GABRA4: variants seen among roughly 807,000 people sequenced by gnomAD.
GABRA4 encodes gamma-aminobutyric acid type A receptor subunit alpha4.
GABRA4 carries 12 observed loss-of-function variants against 49.7 expected under a neutral mutation model. That is an observed-to-expected ratio of 0.24 (90% CI 0.15 to 0.39). The LOEUF is 0.39. GABRA4 is among the 10% of genes least tolerant of loss of function. GABRA4 has a pLI of 1.00. For missense variants in GABRA4, 506 were observed against 686.0 expected, an observed-to-expected ratio of 0.74 and a Z score of 2.93; for synonymous variants, 288 against 240.2, an observed-to-expected ratio of 1.20 and a Z score of -1.84.
intron 8 of GABRA4, among the ~76,000 whole-genome samples, chr4:46,945,110 A>G (rs1721940100): frequency 6.6e-6 from 1 of 152,204 alleles, no homozygotes; most frequent in African/African-American, 2.4e-5. Context: ...TAGCACATTT[A>G]AATCCACTTG....
intron 8 of GABRA4, among the ~76,000 whole-genome samples, chr4:46,950,054 G>A (rs527988690): frequency 6.6e-5 from 10 of 152,158 alleles, no homozygotes; most frequent in African/African-American, 1.7e-4. Context: ...AGATCAGCCC[G>A]TTGGCAAACA....
rs973607464 is a variant in GABRA4, at chr4:46,919,114, T to C, written c.*9111A>G. ...AATTGAGACCTGAATAATTCTACAA[T>C]GCTATGCTCTAGTATAAACTTTGTT... On this transcript the variant is annotated 3_prime_UTR_variant, in exon 9 of 9. Transcript: ENST00000264318. 2.6e-5 allele frequency: 4 copies of C among 151,686 alleles called. No homozygotes were observed. Among genetic ancestry groups the C allele is most frequent in the Admixed American group, 6.6e-5 (1 of 15,214 alleles). The allele number at this position is 151,686 out of a possible 1,614,324, so 9.4% of individuals were successfully genotyped here.
chr4:46,975,380 A>T (rs973936396), intron 5 of GABRA4, among the ~76,000 whole-genome samples: 1 of 151,976 alleles, frequency 6.6e-6, no homozygotes, highest in African/African-American at 2.4e-5. Flanking sequence ...ACTTCAGTAA[A>T]CTGTTACAGC....
chr4:46,976,800 C>T (rs58315251), intron 5 of GABRA4, among the ~76,000 whole-genome samples: 1 of 151,818 alleles, frequency 6.6e-6, no homozygotes, highest in Admixed American at 6.6e-5. Flanking sequence ...CCCTAAATTT[C>T]ACCACTGATC....
At chr4:46,949,595 A>G (rs918387374) in intron 8 of GABRA4, among the ~76,000 whole-genome samples, 1 of 152,100 alleles carries the variant, frequency 6.6e-6, no homozygotes, top group Non-Finnish European at 1.5e-5. Context: ...AAAAATCTGT[A>G]TATTTCATTG....
At chr4:46,931,167 C>T (rs994872362) in intron 8 of GABRA4, among the ~76,000 whole-genome samples, 4 of 151,988 alleles carry the variant, frequency 2.6e-5, no homozygotes, top group African/African-American at 9.7e-5. Context: ...TGAAAGGAAC[C>T]GTCCAAAATG....
intron 8 of GABRA4, among the ~76,000 whole-genome samples, chr4:46,932,994 T>C (rs968344849): frequency 3.9e-5 from 6 of 152,106 alleles, no homozygotes; most frequent in East Asian, 3.9e-4. Flanking sequence ...ATTTGAAGAA[T>C]ATGCCTAGAG....
At chr4:46,943,982 G>A (rs763190930) in intron 8 of GABRA4, among the ~76,000 whole-genome samples, 1 of 151,890 alleles carries the variant, frequency 6.6e-6, no homozygotes, top group Non-Finnish European at 1.5e-5. Context: ...TGTGGGCCAG[G>A]GGGGAATGAG....
chr4:46,955,970 CTGAG>C (rs986273345), intron 8 of GABRA4, among the ~76,000 whole-genome samples: 4 of 152,074 alleles, frequency 2.6e-5, no homozygotes, highest in African/African-American at 9.7e-5. Context: ...CACTTGCTAT[CTGAG>C]TAGCTGAGAT....
chr4:46,974,103 C>A (rs547195702), intron 6 of GABRA4, 129 bp downstream of exon 6: 1 of 769,750 alleles, frequency 1.3e-6, no homozygotes, highest in Non-Finnish European at 2.1e-6. Flanking sequence ...ATAACTCATG[C>A]ATCAACTCTA....
Position 46,992,860 on chromosome 4 carries a change from C to T in GABRA4, c.173G>A (p.Gly58Asp). Residue 58 changes from glycine to aspartate, a missense_variant, in exon 2 of 9, where the codon GGT (glycine) becomes GAT (aspartate). Gly to Asp is a moderately conservative substitution (Grantham distance 94). Transcript: ENST00000264318. ...TCCAGGACGCAGCCTGTTGTCATAA[C>T]CATCGAGCAAACTGTCCAGGATGCG... ...FTRILDSLLDGYDNRLRPGFG... is the reference protein window; with the variant it reads ...FTRILDSLLDDYDNRLRPGFG... 6.2e-7 allele frequency: 1 copy of T among 1,613,940 alleles called. No individual in the cohort carries two copies. The highest frequency in any genetic ancestry group is 8.5e-7 in the Non-Finnish European group (1 of 1,179,982).
chr4:46,955,991 T>C (rs1722347241), intron 8 of GABRA4, among the ~76,000 whole-genome samples: 1 of 152,130 alleles, frequency 6.6e-6, no homozygotes, highest in South Asian at 2.1e-4. Flanking sequence ...AGATCTGTTC[T>C]AATGCTTAGC....
chr4:46,948,135 T>A (rs184353148), intron 8 of GABRA4, among the ~76,000 whole-genome samples: 1 of 152,168 alleles, frequency 6.6e-6, no homozygotes, highest in African/African-American at 2.4e-5. Flanking sequence ...TTTTGGCTAA[T>A]GTCTCTATTT....
intron 2 of GABRA4, among the ~76,000 whole-genome samples, chr4:46,992,027 C>T (rs918569840): frequency 7.9e-5 from 12 of 152,232 alleles, no homozygotes; most frequent in Non-Finnish European, 8.8e-5. Flanking sequence ...CATTTGTCCT[C>T]GTTGAACTGG....
intron 2 of GABRA4, among the ~76,000 whole-genome samples, chr4:46,989,591 G>A (rs1723670991): frequency 6.6e-6 from 1 of 152,250 alleles, no homozygotes; most frequent in African/African-American, 2.4e-5. Flanking sequence ...TTTCCCTATC[G>A]CAAGCTGTGC....
intron 2 of GABRA4, among the ~76,000 whole-genome samples, chr4:46,992,250 T>C (rs1577802578): frequency 6.6e-6 from 1 of 151,928 alleles, no homozygotes. Context: ...AACTTTAAAG[T>C]CTTAGGAGGA....
At chr4:46,948,935 C>A (rs1577759607) in intron 8 of GABRA4, among the ~76,000 whole-genome samples, 2 of 152,140 alleles carry the variant, frequency 1.3e-5, no homozygotes, top group Non-Finnish European at 2.9e-5. Context: ...CATATATTTT[C>A]TTTTCCTAAA....
At chr4:46,990,377 A>G (rs925081472) in intron 2 of GABRA4, among the ~76,000 whole-genome samples, 4 of 152,212 alleles carry the variant, frequency 2.6e-5, no homozygotes, top group African/African-American at 9.6e-5. Context: ...TGTTATTGTC[A>G]ATATTATGCA....
chr4:46,918,974 T>A lies in GABRA4; in HGVS notation c.*9251A>T, dbSNP rs1024256405. On this transcript the variant is annotated 3_prime_UTR_variant, in exon 9 of 9. Coordinates refer to ENST00000264318, the MANE Select transcript of GABRA4 (RefSeq NM_000809.4). ...ATTAGAGGGATATAATGTTTTATAT[T>A]TTAATAATTCCAGAGTTTAGCTCCA... is the stretch of plus-strand genomic sequence containing the variant. 1.3e-4 allele frequency: 20 copies of A among 151,694 alleles called. No individual in the cohort carries two copies. Among genetic ancestry groups the A allele is most frequent in the African/African-American group, 4.1e-4 (17 of 41,416 alleles). The allele number at this position is 151,694 out of a possible 1,614,324, so 9.4% of individuals were successfully genotyped here.
Sources: allele counts gnomAD v4.1 joint callset (sites outside exome capture counted in the v4.1 genomes callset), GRCh38; gene constraint gnomAD v4.1.1; transcripts MANE v1.5; gene names NCBI Gene and HGNC (gene_info 2026-07-23, HGNC 2026-07-21).